The following IMMP2L variants were observed in gnomAD, a reference collection of about 807,000 sequenced individuals.
The protein encoded by IMMP2L is inner mitochondrial membrane peptidase subunit 2, also known as mitochondrial inner membrane protease subunit 2.
IMMP2L carries 18 observed loss-of-function variants against 19.3 expected under a neutral mutation model. That is an observed-to-expected ratio of 0.93 (90% CI 0.64 to 1.38). IMMP2L has a LOEUF of 1.38. IMMP2L is among the 40% of genes most tolerant of loss of function. The pLI is 0.00. For synonymous variants in IMMP2L, 76 were observed against 73.0 expected (o/e 1.04, Z -0.21); for missense variants, 233 against 218.2 (o/e 1.07, Z -0.43).
chr7:110,907,881 A>G (rs1000927947), intron 4 of IMMP2L, among the ~76,000 whole-genome samples: 1 of 152,160 alleles, frequency 6.6e-6, no homozygotes, highest in East Asian at 1.9e-4. Context: ...TTCAGAAGTT[A>G]TTGGTGCTGA....
At chr7:110,919,065 T>C (rs2129550260) in intron 4 of IMMP2L, among the ~76,000 whole-genome samples, 1 of 152,278 alleles carries the variant, frequency 6.6e-6, no homozygotes. Context: ...CCACAGTGCA[T>C]ACTAAATGTA....
chr7:111,126,880 T>C (rs1483689726), intron 3 of IMMP2L, among the ~76,000 whole-genome samples: 1 of 152,198 alleles, frequency 6.6e-6, no homozygotes, highest in African/African-American at 2.4e-5. Flanking sequence ...TTTCTTACAA[T>C]AGCTTTCTGC....
chr7:111,121,681 G>A lies in IMMP2L; in HGVS notation c.240-158116C>T, dbSNP rs28890022. 9.5e-3 allele frequency among the ~76,000 whole-genome samples: 1,444 copies of A among 152,108 alleles called. 23 individuals are homozygous for A. The highest frequency in any genetic ancestry group is 0.032 in the African/African-American group (1,332 of 41,520). ...GTAGAAGACAGTGTGGCGATTCCTC[G>A]GGGATCTAGAACTAGAAATACCATT... On this transcript the variant is annotated intron_variant, in intron 3 of 5. Transcript: ENST00000405709.
intron 5 of IMMP2L, among the ~76,000 whole-genome samples, chr7:110,684,453 C>T (rs1792960769): frequency 1.3e-5 from 2 of 151,926 alleles, no homozygotes; most frequent in Non-Finnish European, 2.9e-5. Context: ...TAACTTTACT[C>T]CACTGACTCA....
intron 3 of IMMP2L, among the ~76,000 whole-genome samples, chr7:111,005,777 A>G (rs192280178): frequency 6.6e-6 from 1 of 152,132 alleles, no homozygotes; most frequent in Non-Finnish European, 1.5e-5. Flanking sequence ...AAAGAATGCA[A>G]GTTTATTCTT....
chr7:110,962,807 A>C, intron 4 of IMMP2L: 2 of 1,195,302 alleles, frequency 1.7e-6, no homozygotes, highest in Non-Finnish European at 2.1e-6. Flanking sequence ...ACAGGGTCAG[A>C]AAACTTCCTC....
chr7:111,364,984 TA>T (rs1829632601), intron 3 of IMMP2L, among the ~76,000 whole-genome samples: 1 of 151,544 alleles, frequency 6.6e-6, no homozygotes, highest in Non-Finnish European at 1.5e-5. Context: ...AAAAAAAATC[TA>T]TAAACATTAT....
chr7:111,179,658 G>A (rs1242000167), intron 3 of IMMP2L, among the ~76,000 whole-genome samples: 1 of 152,032 alleles, frequency 6.6e-6, no homozygotes, highest in Non-Finnish European at 1.5e-5. Flanking sequence ...ACAAGAGAGT[G>A]AGCCTGTCCT....
At chr7:111,466,003 G>A (rs1484416793) in intron 3 of IMMP2L, among the ~76,000 whole-genome samples, 1 of 152,146 alleles carries the variant, frequency 6.6e-6, no homozygotes, top group Non-Finnish European at 1.5e-5. Context: ...CCATAAAAAT[G>A]ATGAGGTCAT....
Position 111,136,605 on chromosome 7 carries a change from T to C in IMMP2L, c.240-173040A>G, listed in dbSNP as rs529393942. ...AGTCATTAAAGTCTCTCTTAAAATA[T>C]AGTACCAGAAATTGGATGCAGTCCT... On this transcript the variant is annotated intron_variant, in intron 3 of 5. Coordinates refer to ENST00000405709, the MANE Select transcript of IMMP2L (RefSeq NM_032549.4). Among the ~76,000 whole-genome samples the C allele has an allele frequency of 6.7e-4, 102 of 152,338 alleles. 1 individual carries two copies. The highest frequency in any genetic ancestry group is 1.3e-3 in the Non-Finnish European group (87 of 68,034).
chr7:110,866,718 G>C (rs1461957576), intron 5 of IMMP2L, among the ~76,000 whole-genome samples: 1 of 152,082 alleles, frequency 6.6e-6, no homozygotes, highest in Non-Finnish European at 1.5e-5. Context: ...GTTTCCGAGA[G>C]ACACAAAGCC....
In IMMP2L at chr7:111,342,332, G is replaced by A. The variant is rs1171678923; in HGVS notation, c.239+144906C>T. 2.0e-5 allele frequency among the ~76,000 whole-genome samples: 3 copies of A among 152,188 alleles called. 1 individual carries two copies. On this transcript the variant is annotated intron_variant, in intron 3 of 5. Transcript: ENST00000405709. ...AGGTTGGCTGGGCACAGTGGCTCACGCCTGTAATCCCAGCACCTTGGGAGG... is the reference window on the plus strand; with the variant it reads ...AGGTTGGCTGGGCACAGTGGCTCACACCTGTAATCCCAGCACCTTGGGAGG...
At chr7:111,317,008 C>T (rs111640256) in intron 3 of IMMP2L, among the ~76,000 whole-genome samples, 4 of 151,894 alleles carry the variant, frequency 2.6e-5, no homozygotes, top group African/African-American at 9.7e-5. Context: ...TGCAACCACG[C>T]CCAACTAATT....
intron 5 of IMMP2L, among the ~76,000 whole-genome samples, chr7:110,677,449 A>G (rs770196068): frequency 6.6e-6 from 1 of 152,178 alleles, no homozygotes; most frequent in Non-Finnish European, 1.5e-5. Flanking sequence ...GTTCGTACAG[A>G]GAACAGTATT....
chr7:110,669,120 G>GAA (rs371034027), intron 5 of IMMP2L, among the ~76,000 whole-genome samples: 5,497 of 149,654 alleles, frequency 0.037, 290 homozygotes, highest in African/African-American at 0.12. Context: ...GAGAGAGAGA[G>GAA]AGAGAAAGAG....
chr7:111,486,907 G>T (rs1272572183), intron 3 of IMMP2L, among the ~76,000 whole-genome samples: 1 of 151,864 alleles, frequency 6.6e-6, no homozygotes, highest in Non-Finnish European at 1.5e-5. Context: ...GAAAACATTG[G>T]GGTAACAAAA....
intron 3 of IMMP2L, among the ~76,000 whole-genome samples, chr7:111,472,201 C>G (rs1344738041): frequency 6.6e-6 from 1 of 151,934 alleles, no homozygotes; most frequent in Non-Finnish European, 1.5e-5. Context: ...TATATATACT[C>G]TGAATTTATT....
At chr7:111,298,302 T>C (rs1821838363) in intron 3 of IMMP2L, among the ~76,000 whole-genome samples, 2 of 152,126 alleles carry the variant, frequency 1.3e-5, no homozygotes, top group African/African-American at 2.4e-5. Context: ...TTACATACCC[T>C]TGGGCAAATT....
At chr7:110,736,637 G>A (rs1796656490) in intron 5 of IMMP2L, among the ~76,000 whole-genome samples, 1 of 149,650 alleles carries the variant, frequency 6.7e-6, no homozygotes, top group Non-Finnish European at 1.5e-5. Context: ...AAGATTTAAT[G>A]TTCTTTGCCT....
Sources: gnomAD v4.1 joint callset for allele counts (sites outside exome capture counted in the v4.1 genomes callset) on GRCh38, gnomAD v4.1.1 for gene constraint, MANE v1.5 for transcripts, NCBI Gene and HGNC (gene_info 2026-07-23, HGNC 2026-07-21) for gene names.